The following ROCK1 variants were observed in gnomAD, a reference collection of about 807,000 sequenced individuals.
The protein encoded by ROCK1 is rho-associated protein kinase 1.
ROCK1 carries 36 observed loss-of-function variants against 196.8 expected under a neutral mutation model. The observed-to-expected ratio is 0.18, with a 90% CI of 0.14 to 0.24. ROCK1 has a LOEUF of 0.24. Ranked by LOEUF, ROCK1 falls within the 10% of genes least tolerant of loss-of-function variation. ROCK1 has a pLI of 1.00. For missense variants in ROCK1, 920 were observed against 1,562.0 expected (o/e 0.59, Z 6.93); for synonymous variants, 443 against 515.9 (o/e 0.86, Z 1.91).
chr18:20,957,500 A>G (rs1222499020), intron 29 of ROCK1, among the ~76,000 whole-genome samples: 1 of 149,710 alleles, frequency 6.7e-6, no homozygotes, highest in Non-Finnish European at 1.5e-5. Flanking sequence ...TTTTTTTTTG[A>G]GATGGAGTCT....
intron 27 of ROCK1, among the ~76,000 whole-genome samples, chr18:20,965,732 G>A (rs1334929201): frequency 6.6e-6 from 1 of 152,170 alleles, no homozygotes; most frequent in Non-Finnish European, 1.5e-5. Flanking sequence ...TCAAGAGGTA[G>A]GCAGTTTCAG....
At chr18:21,012,658 T>C (rs1217518383) in intron 13 of ROCK1, among the ~76,000 whole-genome samples, 1 of 152,228 alleles carries the variant, frequency 6.6e-6, no homozygotes, top group Non-Finnish European at 1.5e-5. Flanking sequence ...TTCTTGGTAG[T>C]TCATGTCTTT....
At chr18:20,980,154 T>A in intron 21 of ROCK1, 150 bp from the exon 22 acceptor site, 1 of 981,502 alleles carries the variant, frequency 1.0e-6, no homozygotes, top group Non-Finnish European at 1.4e-6. Flanking sequence ...TGTCAACACC[T>A]AGTCTTACAC....
At chr18:20,978,284 A>G (rs1400598149) in intron 22 of ROCK1, among the ~76,000 whole-genome samples, 1 of 152,138 alleles carries the variant, frequency 6.6e-6, no homozygotes, top group African/African-American at 2.4e-5. Flanking sequence ...TCTAACATTG[A>G]ATGCCATAGT....
At chr18:21,017,284 C>A (rs1025560328) in intron 12 of ROCK1, among the ~76,000 whole-genome samples, 10 of 151,250 alleles carry the variant, frequency 6.6e-5, no homozygotes, top group African/African-American at 2.4e-4. Flanking sequence ...CTCCGTCTCC[C>A]GGGTTCATGC....
chr18:21,009,844 T>C (rs1306644448), intron 13 of ROCK1, among the ~76,000 whole-genome samples: 1 of 152,244 alleles, frequency 6.6e-6, no homozygotes, highest in Non-Finnish European at 1.5e-5. Flanking sequence ...TTCATCCATA[T>C]ATCTAAAAAG....
At chr18:21,064,389 G>A (rs903685683) in intron 2 of ROCK1, among the ~76,000 whole-genome samples, 1 of 152,102 alleles carries the variant, frequency 6.6e-6, no homozygotes, top group East Asian at 1.9e-4. Context: ...CAAGATCTGT[G>A]TATCATTACA....
At chr18:20,970,534 A>G in intron 22 of ROCK1, 21 bp from the exon 23 acceptor site, 2 of 1,546,136 alleles carry the variant, frequency 1.3e-6, no homozygotes, top group Non-Finnish European at 1.8e-6. Context: ...TTTTTAAGAG[A>G]AACTGATGTA....
intron 2 of ROCK1, among the ~76,000 whole-genome samples, chr18:21,051,881 G>T (rs1320712098): frequency 6.6e-6 from 1 of 152,132 alleles, no homozygotes; most frequent in African/African-American, 2.4e-5. Context: ...AATTATGATG[G>T]ATAAAACAAC....
At chr18:21,008,416 G>C (rs2035786940) in intron 13 of ROCK1, among the ~76,000 whole-genome samples, 1 of 152,190 alleles carries the variant, frequency 6.6e-6, no homozygotes, top group African/African-American at 2.4e-5. Flanking sequence ...TGGGACTACA[G>C]GGACGCACCA....
At chr18:21,038,831 T>C (rs924752642) in intron 9 of ROCK1, among the ~76,000 whole-genome samples, 1 of 152,196 alleles carries the variant, frequency 6.6e-6, no homozygotes, top group African/African-American at 2.4e-5. Flanking sequence ...ATGAGAACCT[T>C]TGGTGTCATG....
rs753021374 is a variant in ROCK1, at chr18:21,020,163, T to G, written c.1349A>C (p.Glu450Ala). The stretch of plus-strand genomic sequence containing the variant: ...AGTATATTCTCACCTGCACTTCTGC[T>G]CCATTTCATCTTTTAACTGCATTTC... The part of the protein sequence containing the change: ...HNEMQLKDEM[E>A]QKCRTSNIKL... Residue 450 changes from glutamate to alanine, a missense_variant, in exon 12 of 33, where the codon GAG becomes GCG. Physicochemically the swap from Glu to Ala is moderately radical, Grantham distance 107. Transcript: ENST00000399799. 2 of 1,594,646 alleles carry G rather than the reference T, an allele frequency of 1.3e-6. No homozygotes were observed. Among genetic ancestry groups the G allele is most frequent in the Non-Finnish European group, 1.7e-6 (2 of 1,172,430 alleles).
intron 23 of ROCK1, 85 bp from the exon 24 acceptor site, chr18:20,969,293 T>A: frequency 1.3e-6 from 1 of 757,676 alleles, no homozygotes; most frequent in Non-Finnish European, 2.2e-6. Flanking sequence ...TACTGCTAGA[T>A]AAAGACAGGT....
chr18:21,049,333 TAGCCTTACTGTTTCAGTTA>T, intron 3 of ROCK1, 104 bp from the exon 4 acceptor site: 1 of 865,206 alleles, frequency 1.2e-6, no homozygotes, highest in Non-Finnish European at 1.7e-6. Flanking sequence ...CTAAATAATT[TAGCCTTACTGTTTCAGTTA>T]TTTTTATTTC....
intron 29 of ROCK1, among the ~76,000 whole-genome samples, chr18:20,958,962 TAA>T (rs1442129531): frequency 3.2e-5 from 3 of 92,754 alleles, no homozygotes; most frequent in Non-Finnish European, 5.9e-5. Flanking sequence ...ATATTTTATA[TAA>T]TATATATAAT....
At position 20,967,892 on chromosome 18, in the gene ROCK1, C is replaced by A; in HGVS notation, c.3052G>T (p.Asp1018Tyr). The A allele has an allele frequency of 6.3e-7, 1 of 1,589,410 alleles. No individual in the cohort carries two copies. The highest frequency in any genetic ancestry group is 8.6e-7 in the Non-Finnish European group (1 of 1,166,330). The change falls in exon 26 of 33, where the codon GAT becomes TAT. Residue 1018 changes from aspartate (D) to tyrosine (Y), a missense_variant. Physicochemically the swap from Asp to Tyr is radical, Grantham distance 160 (BLOSUM62 -3). Around this residue, in one of 6 missense-constraint regions of ROCK1, gnomAD observed 116 missense variants for 204.2 expected, o/e 0.57. Coordinates refer to ENST00000399799, the MANE Select transcript of ROCK1 (RefSeq NM_005406.3). ...EIMNRKDFKI[D>Y]RKKANTQDLR... ...TCTTGTGTATTAGCTTTCTTTCTAT[C>A]AATTTTAAAATCTTTTCGATTCATT... is the stretch of plus-strand genomic sequence containing the variant.
intron 1 of ROCK1, among the ~76,000 whole-genome samples, chr18:21,089,050 A>C (rs1302944044): frequency 1.3e-5 from 2 of 152,032 alleles, no homozygotes; most frequent in Non-Finnish European, 2.9e-5. Context: ...ATTTTATTAA[A>C]ACTTTTTTTT....
At chr18:21,028,565 T>C (rs1043916542) in intron 10 of ROCK1, among the ~76,000 whole-genome samples, 16 of 152,314 alleles carry the variant, frequency 1.1e-4, no homozygotes, top group Admixed American at 5.9e-4. Context: ...AGTATATCAT[T>C]TAGCAAAAAA....
chr18:20,969,088 T>C, intron 24 of ROCK1, 27 bp downstream of exon 24: 1 of 1,388,186 alleles, frequency 7.2e-7, no homozygotes, highest in Non-Finnish European at 1.0e-6. Flanking sequence ...TGATTTAACA[T>C]GATGATTTTT....
Sources: gnomAD v4.1 joint callset for allele counts (sites outside exome capture counted in the v4.1 genomes callset) on GRCh38, gnomAD v4.1.1 for gene constraint, gnomAD v4.1.1 regional missense constraint, MANE v1.5 for transcripts, NCBI Gene and HGNC (gene_info 2026-07-23, HGNC 2026-07-21) for gene names.